The following NIPSNAP3B variants were observed in gnomAD, a reference collection of about 807,000 sequenced individuals.
The protein encoded by NIPSNAP3B is nipsnap homolog 3B.
Under a neutral mutation model 31.5 loss-of-function variants are expected in NIPSNAP3B, and 30 were observed. The observed-to-expected ratio is 0.95, with a 90% CI of 0.71 to 1.29. NIPSNAP3B has a LOEUF of 1.29. Among genes scored for constraint, NIPSNAP3B ranks in the 50% most tolerant of loss-of-function variants. NIPSNAP3B has a pLI of 0.00. For synonymous variants in NIPSNAP3B, 106 were observed against 107.9 expected (o/e 0.98, Z 0.11); for missense variants, 269 against 300.7 (o/e 0.89, Z 0.78).
intron 4 of NIPSNAP3B, among the ~76,000 whole-genome samples, chr9:104,771,896 T>A (rs550731127): frequency 6.6e-6 from 1 of 152,184 alleles, no homozygotes; most frequent in Non-Finnish European, 1.5e-5. Flanking sequence ...ATCTGTTATT[T>A]TTTGACTTTT....
chr9:104,788,421 A>G, the NIPSNAP3B span: 8 of 1,614,124 alleles, frequency 5.0e-6, no homozygotes, highest in South Asian at 4.4e-5. Context: ...AGGTGCCCAC[A>G]GTACCTTGCC....
downstream of NIPSNAP3B, chr9:104,781,985 T>A (rs543756430): frequency 2.1e-4 from 32 of 152,182 alleles, 1 homozygote; most frequent in Admixed American, 3.9e-4. Context: ...AGAGGTCCTT[T>A]CAATCTGTAT....
the NIPSNAP3B span, chr9:104,784,432 G>T: frequency 6.2e-7 from 1 of 1,613,982 alleles, no homozygotes; most frequent in East Asian, 2.2e-5. Flanking sequence ...CATCACTTTG[G>T]TCCTTGGCAA....
At chr9:104,789,119 G>A in the NIPSNAP3B span, among the ~76,000 whole-genome samples, 202 of 152,294 alleles carry the variant, frequency 1.3e-3, 3 homozygotes, top group Admixed American at 7.7e-3. Context: ...CAGCCACAGC[G>A]GCATTGCCAT....
the NIPSNAP3B span, among the ~76,000 whole-genome samples, chr9:104,784,880 G>GATC: frequency 6.6e-6 from 1 of 152,170 alleles, no homozygotes; most frequent in Non-Finnish European, 1.5e-5. Context: ...CTGACCTCAT[G>GATC]ATCTGCCTGC....
In NIPSNAP3B at chr9:104,774,678, T is replaced by G. The variant is rs1828295535; in HGVS notation, c.*1605T>G. On this transcript the variant is annotated 3_prime_UTR_variant, in exon 6 of 6. Transcript: ENST00000374762. ...TTCCCCGGTTTAAGCAAAAATAGAATTATGTGGTTTAAATCATATACCTTA... is the reference window on the plus strand; with the variant it reads ...TTCCCCGGTTTAAGCAAAAATAGAAGTATGTGGTTTAAATCATATACCTTA... 6.6e-6 allele frequency among the ~76,000 whole-genome samples: 1 copy of G among 152,168 alleles called. No homozygotes were observed. The highest frequency in any genetic ancestry group is 1.5e-5 in the Non-Finnish European group (1 of 68,044).
Position 104,771,005 on chromosome 9 carries a change from T to C in NIPSNAP3B, c.580+7T>C, listed in dbSNP as rs1828204355. The C allele has an allele frequency of 1.2e-6, 2 of 1,613,128 alleles. No homozygotes were observed. The highest frequency in any genetic ancestry group is 1.3e-5 in the African/African-American group (1 of 75,038). On this transcript the variant is annotated splice_region_variant and intron_variant, in intron 4 of 5. Transcript: ENST00000374762. ...TATGGAGAACTCAACAGAGGTACAGTTGTCCATTTGTTCTATGAAGTTGCC... is the reference window on the plus strand; with the variant it reads ...TATGGAGAACTCAACAGAGGTACAGCTGTCCATTTGTTCTATGAAGTTGCC...
chr9:104,771,301 T>C (rs758832521), intron 4 of NIPSNAP3B: 1 of 211,800 alleles, frequency 4.7e-6, no homozygotes, highest in Non-Finnish European at 9.5e-6. Context: ...GTTGTACAGA[T>C]TATTTAATCA....
intron 4 of NIPSNAP3B, among the ~76,000 whole-genome samples, chr9:104,772,183 T>C (rs191832270): frequency 7.3e-5 from 11 of 151,606 alleles, no homozygotes; most frequent in Admixed American, 7.2e-4. Context: ...GGTTGTCTGT[T>C]TACTCTGTTG....
In NIPSNAP3B at chr9:104,764,130, C is replaced by G. The variant is rs1210654655; in HGVS notation, c.-111C>G. ...GAGCTGACCCCGCCGAGTCCCGCCCCTGCCTGAGTTCGCCAGTGGTCCAGG... is the reference window on the plus strand; with the variant it reads ...GAGCTGACCCCGCCGAGTCCCGCCCGTGCCTGAGTTCGCCAGTGGTCCAGG... On this transcript the variant is annotated 5_prime_UTR_variant, in exon 1 of 6. Coordinates refer to ENST00000374762, the MANE Select transcript of NIPSNAP3B (RefSeq NM_018376.4). 8 of 1,022,444 alleles carry G rather than the reference C, an allele frequency of 7.8e-6. No individual in the cohort carries two copies. Among genetic ancestry groups the G allele is most frequent in the Non-Finnish European group, 1.2e-5 (8 of 687,898 alleles). The allele number at this position is 1,022,444 out of a possible 1,614,324, so 63.3% of individuals were successfully genotyped here.
At chr9:104,785,498 T>C in the NIPSNAP3B span, 4 of 1,612,138 alleles carry the variant, frequency 2.5e-6, no homozygotes, top group Admixed American at 3.3e-5. Context: ...ATAATGAAGA[T>C]GGAAGCTGGT....
intron 2 of NIPSNAP3B, among the ~76,000 whole-genome samples, chr9:104,767,084 T>C (rs1828105256): frequency 1.3e-5 from 2 of 152,104 alleles, no homozygotes; most frequent in African/African-American, 4.8e-5. Context: ...TTCTTATTAT[T>C]GTTACAGCTA....
chr9:104,764,768 C>T (rs887983852), intron 1 of NIPSNAP3B, among the ~76,000 whole-genome samples: 4 of 152,030 alleles, frequency 2.6e-5, no homozygotes, highest in Non-Finnish European at 5.9e-5. Flanking sequence ...AGGCTGGTCT[C>T]GAACTCCTGA....
At chr9:104,785,744 G>A in the NIPSNAP3B span, 2 of 1,379,674 alleles carry the variant, frequency 1.4e-6, no homozygotes, top group South Asian at 1.2e-5. Flanking sequence ...GGCGGCCCCT[G>A]GCAGGCCCAG....
chr9:104,788,206 G>A, the NIPSNAP3B span: 1 of 1,149,078 alleles, frequency 8.7e-7, no homozygotes, highest in South Asian at 1.2e-5. Flanking sequence ...CAGGGAGAAG[G>A]GACTCGTGTG....
At chr9:104,787,057 C>T in the NIPSNAP3B span, 1 of 1,197,164 alleles carries the variant, frequency 8.4e-7, no homozygotes, top group Admixed American at 2.1e-5. Flanking sequence ...GCAGAAGCAT[C>T]TTTGAAACAG....
At chr9:104,781,106 A>C (rs923779623), downstream of NIPSNAP3B, 1 of 152,580 alleles carries the variant, frequency 6.6e-6, no homozygotes, top group Non-Finnish European at 1.5e-5. Flanking sequence ...TGACATACAA[A>C]ATTTTTTTTC....
chr9:104,783,130 C>T, the NIPSNAP3B span: 2 of 152,264 alleles, frequency 1.3e-5, no homozygotes, highest in African/African-American at 4.8e-5. Context: ...TTTCTAGGCA[C>T]TAGTCATGAC....
the NIPSNAP3B span, among the ~76,000 whole-genome samples, chr9:104,789,967 G>A: frequency 6.6e-6 from 1 of 152,156 alleles, no homozygotes; most frequent in East Asian, 1.9e-4. Flanking sequence ...ATTGTGGCGG[G>A]CACCTGTAAT....
Sources: gnomAD v4.1 joint callset for allele counts (sites outside exome capture counted in the v4.1 genomes callset) on GRCh38, gnomAD v4.1.1 for gene constraint, MANE v1.5 for transcripts, NCBI Gene and HGNC (gene_info 2026-07-23, HGNC 2026-07-21) for gene names.